CDS2: variants seen among roughly 807,000 people sequenced by gnomAD.
CDS2 encodes the protein phosphatidate cytidylyltransferase 2.
In CDS2, 47 loss-of-function variants were observed where a neutral mutation model predicts 59.0. The ratio of observed to expected loss-of-function variants is 0.80; its 90% CI spans 0.63 to 1.02. The LOEUF (loss-of-function observed/expected upper bound fraction) is 1.02. Ranked by LOEUF, CDS2 falls within the 50% of genes least tolerant of loss-of-function variation. CDS2 has a pLI of 0.00. For missense variants in CDS2, 356 were observed against 558.9 expected, an observed-to-expected ratio of 0.64 and a Z score of 3.66; for synonymous variants, 207 against 206.4, an observed-to-expected ratio of 1.00 and a Z score of -0.02.
rs145582118 is a variant in CDS2 at position 5,176,737 on chromosome 20, G to A, written c.381G>A (p.Thr127=). The A allele has an allele frequency of 3.1e-4, 501 of 1,611,988 alleles. No individual in the cohort carries two copies. The highest frequency in any genetic ancestry group is 3.9e-4 in the Non-Finnish European group (465 of 1,178,210). Reference sequence around the variant, plus strand: ...CATATGATCTGCCCTGGTTCAGGACGCTCAGCTGGTAAGCTCTCCGGCCCC... The same window carrying A: ...CATATGATCTGCCCTGGTTCAGGACACTCAGCTGGTAAGCTCTCCGGCCCC... The part of the protein sequence containing the change: ...YHSYDLPWFR[T]LSWYFLLCVN... Residue 127 remains threonine (T), a synonymous_variant, in exon 4 of 13, where the codon ACG becomes ACA. Transcript: ENST00000460006.
At chr20:5,137,784 A>G (rs973153743) in intron 1 of CDS2, among the ~76,000 whole-genome samples, 2 of 151,412 alleles carry the variant, frequency 1.3e-5, no homozygotes, top group Non-Finnish European at 2.9e-5. Context: ...CCATAACCTC[A>G]AACATTTATC....
rs2091126041 is a variant in CDS2 at position 5,192,703 on chromosome 20, C to T, written c.*2469C>T. The T allele has an allele frequency of 6.6e-6, 1 of 152,160 alleles. No homozygotes were observed. The highest frequency in any genetic ancestry group is 2.1e-4 in the South Asian group (1 of 4,830). The allele number at this position is 152,160 out of a possible 1,614,324, so 9.4% of individuals were successfully genotyped here. The stretch of plus-strand genomic sequence containing the variant: ...TCGTGAATTCCCTGTTTATCACTTC[C>T]ATGCATGGTTTTATGCTTCTCATTT... On this transcript the variant is annotated 3_prime_UTR_variant, in exon 13 of 13. Coordinates refer to ENST00000460006, the MANE Select transcript of CDS2 (RefSeq NM_003818.4).
At chr20:5,182,016 A>G (rs979194707) in intron 5 of CDS2, among the ~76,000 whole-genome samples, 7 of 152,198 alleles carry the variant, frequency 4.6e-5, no homozygotes, top group African/African-American at 1.2e-4. Flanking sequence ...GCAGCCATAG[A>G]CAATATGTAA....
Position 5,189,123 on chromosome 20 carries a change from C to A in CDS2, c.1038C>A (p.Ala346=), listed in dbSNP as rs753420710. 5.0e-6 allele frequency: 8 copies of A among 1,614,198 alleles called. No homozygotes were observed. The highest frequency in any genetic ancestry group is 6.8e-6 in the Non-Finnish European group (8 of 1,180,028). ...QIHSIALSTF[A]SLIGPFGGFF... Reference sequence around the variant, plus strand: ...ACAGCATCGCTCTCTCCACCTTTGCCTCGCTCATTGGCCCCTTTGGAGGAT... The same window carrying A: ...ACAGCATCGCTCTCTCCACCTTTGCATCGCTCATTGGCCCCTTTGGAGGAT... Residue 346 remains alanine (A), a synonymous_variant, in exon 11 of 13, where the codon GCC becomes GCA. Coordinates refer to ENST00000460006, the MANE Select transcript of CDS2 (RefSeq NM_003818.4).
rs1246359166 is a variant in CDS2 at position 5,197,579 on chromosome 20, A to C, written c.*7345A>C. 6.6e-6 allele frequency: 1 copy of C among 151,162 alleles called. No homozygotes were observed. The highest frequency in any genetic ancestry group is 1.5e-5 in the Non-Finnish European group (1 of 67,930). 9.4% of individuals were successfully genotyped at this position (151,162 alleles called of 1,614,324 possible). On this transcript the variant is annotated 3_prime_UTR_variant, in exon 13 of 13. Coordinates refer to ENST00000460006, the MANE Select transcript of CDS2 (RefSeq NM_003818.4). ...CCTGATAGCCTGGGTGTTGATATTC[A>C]CTTTACCCGCACTCAGACACAGGCG...
intron 3 of CDS2, chr20:5,176,169 A>T (rs2090993660): frequency 6.4e-6 from 1 of 156,550 alleles, no homozygotes; most frequent in African/African-American, 2.4e-5. Context: ...CTATAATCCC[A>T]GCACTTTGAG....
At chr20:5,179,163 C>A (rs1462583248) in intron 5 of CDS2, among the ~76,000 whole-genome samples, 2 of 150,606 alleles carry the variant, frequency 1.3e-5, no homozygotes. Context: ...ACTCTGTCAC[C>A]CAGGCCAGAG....
At chr20:5,159,407 A>C (rs936623549) in intron 1 of CDS2, among the ~76,000 whole-genome samples, 1 of 147,924 alleles carries the variant, frequency 6.8e-6, no homozygotes, top group African/African-American at 2.5e-5. Flanking sequence ...TCAAAAAATG[A>C]CTCAATGGTC....
At chr20:5,182,253 C>A in intron 5 of CDS2, 134 bp from the exon 6 acceptor site, 1 of 588,030 alleles carries the variant, frequency 1.7e-6, no homozygotes, top group Non-Finnish European at 2.8e-6. Flanking sequence ...TTTTTCTCCC[C>A]TGGGCTTTGA....
chr20:5,160,468 C>T (rs1294191627), intron 1 of CDS2, among the ~76,000 whole-genome samples: 1 of 152,166 alleles, frequency 6.6e-6, no homozygotes, highest in Non-Finnish European at 1.5e-5. Flanking sequence ...GGGGTGGATA[C>T]AGCTGTTAGA....
At chr20:5,139,333 G>A (rs930246356) in intron 1 of CDS2, among the ~76,000 whole-genome samples, 4 of 152,188 alleles carry the variant, frequency 2.6e-5, no homozygotes, top group African/African-American at 7.2e-5. Flanking sequence ...TAGCACTCCA[G>A]CCTAGGCAAC....
At chr20:5,130,124 C>T (rs1386638694) in intron 1 of CDS2, among the ~76,000 whole-genome samples, 3 of 152,074 alleles carry the variant, frequency 2.0e-5, no homozygotes, top group African/African-American at 7.2e-5. Context: ...AGGTGCCTGC[C>T]ATCACGACTG....
At chr20:5,171,420 G>A (rs2090955290) in intron 1 of CDS2, among the ~76,000 whole-genome samples, 1 of 152,240 alleles carries the variant, frequency 6.6e-6, no homozygotes, top group Non-Finnish European at 1.5e-5. Context: ...ATGCATCTGT[G>A]GGAGCCTCAG....
At chr20:5,179,006 G>A (rs2091014086) in intron 5 of CDS2, 50 bp downstream of exon 5, 7 of 1,570,718 alleles carry the variant, frequency 4.5e-6, no homozygotes, top group Non-Finnish European at 6.1e-6. Flanking sequence ...GTTTTTGTAT[G>A]TCTGTCAGGT....
At chr20:5,141,119 C>T (rs752673091) in intron 1 of CDS2, among the ~76,000 whole-genome samples, 26 of 152,220 alleles carry the variant, frequency 1.7e-4, no homozygotes, top group Non-Finnish European at 3.2e-4. Flanking sequence ...GGAATCTTCT[C>T]CTGCCTTTCT....
chr20:5,132,474 A>G (rs1211263631), intron 1 of CDS2, among the ~76,000 whole-genome samples: 1 of 152,194 alleles, frequency 6.6e-6, no homozygotes, highest in Non-Finnish European at 1.5e-5. Flanking sequence ...ACCACTGAAC[A>G]CTGTTGTATG....
At chr20:5,143,589 TCTGCTTTCAGTTC>T (rs2090713340) in intron 1 of CDS2, among the ~76,000 whole-genome samples, 1 of 151,644 alleles carries the variant, frequency 6.6e-6, no homozygotes, top group African/African-American at 2.4e-5. Context: ...TGTTTGAGTC[TCTGCTTTCAGTTC>T]TTTTTCTTTT....
chr20:5,157,011 G>A (rs1217186343), intron 1 of CDS2, among the ~76,000 whole-genome samples: 4 of 152,128 alleles, frequency 2.6e-5, no homozygotes, highest in Non-Finnish European at 5.9e-5. Flanking sequence ...GGTGGGAAGA[G>A]TACTCCAAAG....
chr20:5,156,418 T>G (rs142177706), intron 1 of CDS2, among the ~76,000 whole-genome samples: 53 of 152,120 alleles, frequency 3.5e-4, no homozygotes, highest in African/African-American at 1.3e-3. Flanking sequence ...AGGTTGAAAG[T>G]TTGCACTGGA....
Sources: gnomAD v4.1 joint callset for allele counts (sites outside exome capture counted in the v4.1 genomes callset) on GRCh38, gnomAD v4.1.1 for gene constraint, MANE v1.5 for transcripts, NCBI Gene and HGNC (gene_info 2026-07-23, HGNC 2026-07-21) for gene names.